SGCZ: variants seen among roughly 807,000 people sequenced by gnomAD.
SGCZ encodes zeta-sarcoglycan.
SGCZ carries 40 observed loss-of-function variants against 41.3 expected under a neutral mutation model. That is an observed-to-expected ratio of 0.97 (90% CI 0.75 to 1.26). SGCZ has a LOEUF of 1.26. Ranked by LOEUF, SGCZ falls within the 50% of genes most tolerant of loss-of-function variation. The pLI, the probability that SGCZ is intolerant of heterozygous loss-of-function variation, is 0.00. For missense variants in SGCZ, 552 were observed against 369.8 expected (o/e 1.49, Z -4.04); for synonymous variants, 206 against 137.5 (o/e 1.50, Z -3.49).
At chr8:14,806,713 C>A (rs2130521938) in intron 1 of SGCZ, among the ~76,000 whole-genome samples, 1 of 152,254 alleles carries the variant, frequency 6.6e-6, no homozygotes, top group South Asian at 2.1e-4. Flanking sequence ...AAGAGGGACT[C>A]CTCCCTAACT....
At chr8:15,081,922 C>A (rs1805764215) in intron 1 of SGCZ, among the ~76,000 whole-genome samples, 1 of 152,052 alleles carries the variant, frequency 6.6e-6, no homozygotes. Context: ...ACTAAAGCTG[C>A]CTAATGGGTT....
At chr8:15,017,477 ACCATAGGT>A (rs1197720506) in intron 1 of SGCZ, among the ~76,000 whole-genome samples, 1 of 152,060 alleles carries the variant, frequency 6.6e-6, no homozygotes, top group Non-Finnish European at 1.5e-5. Context: ...TAAATTGCAT[ACCATAGGT>A]CCAAACTGAT....
At chr8:14,516,783 C>T (rs1021269735) in intron 2 of SGCZ, among the ~76,000 whole-genome samples, 1 of 151,940 alleles carries the variant, frequency 6.6e-6, no homozygotes, top group Non-Finnish European at 1.5e-5. Flanking sequence ...TAAATCTGTG[C>T]CATCCAGAAG....
chr8:14,380,269 G>A (rs1432446098), intron 2 of SGCZ, among the ~76,000 whole-genome samples: 1 of 152,028 alleles, frequency 6.6e-6, no homozygotes, highest in African/African-American at 2.4e-5. Flanking sequence ...CACATCCATT[G>A]ATGTTTTCCT....
chr8:15,108,601 G>C (rs1171300402), intron 1 of SGCZ, among the ~76,000 whole-genome samples: 2 of 152,170 alleles, frequency 1.3e-5, no homozygotes, highest in Admixed American at 6.5e-5. Context: ...TTTTTAGAAA[G>C]TACATAGGAT....
intron 1 of SGCZ, among the ~76,000 whole-genome samples, chr8:15,152,054 G>A (rs1012625593): frequency 2.0e-5 from 3 of 152,116 alleles, no homozygotes; most frequent in African/African-American, 7.2e-5. Flanking sequence ...AATAATAAAA[G>A]GGGTGTTTTA....
intron 3 of SGCZ, among the ~76,000 whole-genome samples, chr8:14,261,355 T>G (rs2117235079): frequency 6.6e-6 from 1 of 152,306 alleles, no homozygotes; most frequent in African/African-American, 2.4e-5. Flanking sequence ...AACAAAAAAT[T>G]CAGCGTAGGT....
At chr8:15,197,906 G>C (rs1370808854) in intron 1 of SGCZ, among the ~76,000 whole-genome samples, 3 of 150,392 alleles carry the variant, frequency 2.0e-5, no homozygotes, top group Non-Finnish European at 4.4e-5. Flanking sequence ...ACACATTCGT[G>C]TATATATATA....
intron 1 of SGCZ, among the ~76,000 whole-genome samples, chr8:15,219,621 G>C (rs1801524456): frequency 6.6e-6 from 1 of 152,096 alleles, no homozygotes; most frequent in Non-Finnish European, 1.5e-5. Context: ...AGCAGAAGTG[G>C]TCTTTGGATA....
chr8:14,892,278 T>G (rs539948969), intron 1 of SGCZ, among the ~76,000 whole-genome samples: 1 of 152,166 alleles, frequency 6.6e-6, no homozygotes, highest in Admixed American at 6.5e-5. Flanking sequence ...ATCTGCTGAG[T>G]GTAGGGGATA....
chr8:14,275,418 T>C (rs763096624), intron 3 of SGCZ, among the ~76,000 whole-genome samples: 2 of 152,160 alleles, frequency 1.3e-5, no homozygotes, highest in Non-Finnish European at 2.9e-5. Flanking sequence ...TCTAAAGGCT[T>C]CGAACAGCCC....
At chr8:14,797,862 C>G (rs1342994476) in intron 1 of SGCZ, among the ~76,000 whole-genome samples, 1 of 152,220 alleles carries the variant, frequency 6.6e-6, no homozygotes, top group Non-Finnish European at 1.5e-5. Flanking sequence ...CAGCCAATGG[C>G]TTCGTAGGGT....
chr8:15,055,291 T>C (rs1365585703), intron 1 of SGCZ, among the ~76,000 whole-genome samples: 1 of 152,168 alleles, frequency 6.6e-6, no homozygotes, highest in Non-Finnish European at 1.5e-5. Context: ...AAATAAAGCC[T>C]GGTTCACATA....
chr8:14,685,080 GATTC>G (rs1304159573), intron 1 of SGCZ, among the ~76,000 whole-genome samples: 7 of 110,832 alleles, frequency 6.3e-5, no homozygotes, highest in African/African-American at 2.4e-4. Context: ...TGTACCATGA[GATTC>G]ATTTAGAAAT....
intron 1 of SGCZ, among the ~76,000 whole-genome samples, chr8:14,784,968 A>T (rs1411873042): frequency 2.1e-5 from 3 of 140,424 alleles, no homozygotes; most frequent in Non-Finnish European, 4.6e-5. Flanking sequence ...TATATATATA[A>T]TATATATATT....
chr8:14,279,431 C>A (rs1210795871), intron 3 of SGCZ, among the ~76,000 whole-genome samples: 2 of 151,840 alleles, frequency 1.3e-5, no homozygotes, highest in East Asian at 1.9e-4. Flanking sequence ...AGGACACTAC[C>A]TTTTTTTCCC....
intron 1 of SGCZ, among the ~76,000 whole-genome samples, chr8:14,911,095 G>C (rs1799269099): frequency 6.6e-6 from 1 of 151,976 alleles, no homozygotes; most frequent in Non-Finnish European, 1.5e-5. Context: ...GTCTTCATGA[G>C]AAAAGAAGCA....
chr8:14,131,300 C>G (rs573535179), intron 5 of SGCZ, among the ~76,000 whole-genome samples: 1 of 152,280 alleles, frequency 6.6e-6, no homozygotes, highest in East Asian at 1.9e-4. Flanking sequence ...CTGTCAGGAT[C>G]AGCTTGGAAC....
chr8:14,158,584 A>C (rs1352836846), intron 5 of SGCZ, among the ~76,000 whole-genome samples: 20 of 152,150 alleles, frequency 1.3e-4, no homozygotes, highest in Non-Finnish European at 2.4e-4. Context: ...TCACTATCAC[A>C]GTGGAGAAAT....
Sources: allele counts gnomAD v4.1 joint callset (sites outside exome capture counted in the v4.1 genomes callset), GRCh38; gene constraint gnomAD v4.1.1; transcripts MANE v1.5; gene names NCBI Gene and HGNC (gene_info 2026-07-23, HGNC 2026-07-21).